Variants in SLC26A2 observed in about 807,000 individuals in gnomAD.
The protein encoded by SLC26A2 is solute carrier family 26 member 2, also known as sulfate transporter.
Under a neutral mutation model 41.1 loss-of-function variants are expected in SLC26A2, and 36 were observed. That is an observed-to-expected ratio of 0.88 (90% confidence interval 0.67 to 1.16). The LOEUF is 1.16. SLC26A2 is among the 50% of genes most tolerant of loss of function. The probability of loss-of-function intolerance (pLI) is 0.00; values close to 1 mark genes in which losing one functional copy is unlikely to be tolerated. For missense variants in SLC26A2, 796 were observed against 869.6 expected, an observed-to-expected ratio of 0.92 and a Z score of 1.07; for synonymous variants, 291 against 311.6, an observed-to-expected ratio of 0.93 and a Z score of 0.70.
At chr5:149,980,212 C>A in intron 2 of SLC26A2, 81 bp from the exon 3 acceptor site, 1 of 1,058,362 alleles carries the variant, frequency 9.4e-7, no homozygotes, top group Non-Finnish European at 1.5e-6. Flanking sequence ...GATATGTCTC[C>A]ATGCAAGAAA....
Position 149,981,134 on chromosome 5 carries a change from T to C in SLC26A2, c.1541T>C (p.Ile514Thr), listed in dbSNP as rs752005332. The change falls in exon 3 of 3, where the codon ATC becomes ACC. Residue 514 changes from isoleucine to threonine, a missense_variant. Transcript: ENST00000286298. ...AGTATTAGTAGAATGGATACAGTTA[T>C]CTGGTTTGTTACTATGCTGTCCTCT... Reference protein sequence around the residue: ...MWSISRMDTVIWFVTMLSSAL... With the variant: ...MWSISRMDTVTWFVTMLSSAL... 20 of 1,614,052 alleles carry C rather than the reference T, an allele frequency of 1.2e-5. No individual in the cohort carries two copies. Among genetic ancestry groups the C allele is most frequent in the Non-Finnish European group, 1.7e-5 (20 of 1,180,022 alleles).
intron 1 of SLC26A2, among the ~76,000 whole-genome samples, chr5:149,975,865 T>C (rs1030662137): frequency 2.0e-5 from 3 of 152,116 alleles, no homozygotes; most frequent in Non-Finnish European, 4.4e-5. Flanking sequence ...TCATCTAAAA[T>C]ATATTGTCTC....
chr5:149,977,665 A>G lies in SLC26A2; in HGVS notation c.13A>G (p.Ser5Gly). 6.2e-7 allele frequency: 1 copy of G among 1,613,210 alleles called. No individual in the cohort carries two copies. Among genetic ancestry groups the G allele is most frequent in the Non-Finnish European group, 8.5e-7 (1 of 1,179,166 alleles). The stretch of plus-strand genomic sequence containing the variant: ...TCTATCTCCAGAAATGTCTTCAGAA[A>G]GTAAAGAGCAACATAACGTTTCACC... MSSE[S>G]KEQHNVSPRD... Residue 5 changes from serine (S) to glycine (G), a missense_variant, in exon 2 of 3, where the codon AGT (serine) becomes GGT (glycine). By Grantham distance (56) the Ser-to-Gly change is moderately conservative. Transcript: ENST00000286298.
rs1459144096 is a variant in SLC26A2, at chr5:149,977,662, GAAAGT to G, written c.15_19del (p.Ser5ArgfsTer4). 6.2e-7 allele frequency: 1 copy of G among 1,612,860 alleles called. No individual in the cohort carries two copies. Among genetic ancestry groups the G allele is most frequent in the South Asian group, 1.1e-5 (1 of 91,068 alleles). The stretch of plus-strand genomic sequence containing the variant: ...CCATCTATCTCCAGAAATGTCTTCA[GAAAGT>G]AAAGAGCAACATAACGTTTCACCCA... On this transcript the variant is annotated frameshift_variant, in exon 2 of 3. Coordinates refer to ENST00000286298, the MANE Select transcript of SLC26A2 (RefSeq NM_000112.4). LOFTEE classifies it high-confidence loss of function.
In SLC26A2 at chr5:149,981,948, G is replaced by A. The variant is rs562629009; in HGVS notation, c.*135G>A. On this transcript the variant is annotated 3_prime_UTR_variant, in exon 3 of 3. Transcript: ENST00000286298. The stretch of plus-strand genomic sequence containing the variant: ...GGCTAGATATTATTCCTCCTTTGAA[G>A]CTAATGGCATTTGTATATACACACT... 1.3e-4 allele frequency: 87 copies of A among 649,942 alleles called. 1 individual carries two copies. The South Asian group carries it at 1.6e-3, about 12-fold the overall frequency. The allele number at this position is 649,942 out of a possible 1,614,324, so 40.3% of individuals were successfully genotyped here.
In SLC26A2 at chr5:149,981,105, G is replaced by C. The variant is rs76668544; in HGVS notation, c.1512G>C (p.Met504Ile). 1.9e-6 allele frequency: 3 copies of C among 1,614,018 alleles called. No individual in the cohort carries two copies. In the South Asian group the frequency reaches 3.3e-5, roughly 18 times the overall value. Reference protein sequence around the residue: ...ALRKFRDLPKMWSISRMDTVI... With the variant: ...ALRKFRDLPKIWSISRMDTVI... ...GTAAATTTAGGGATCTTCCCAAAAT[G>C]TGGAGTATTAGTAGAATGGATACAG... The change falls in exon 3 of 3, where the codon ATG (methionine) becomes ATC (isoleucine). Residue 504 changes from methionine (M) to isoleucine (I), a missense_variant. Transcript: ENST00000286298.
In SLC26A2 at chr5:149,987,392, CTAA is replaced by C. The variant is rs1339052558; in HGVS notation, c.*5585_*5587del. The C allele has an allele frequency of 2.6e-5, 4 of 152,188 alleles. No homozygotes were observed. Among genetic ancestry groups the C allele is most frequent in the Non-Finnish European group, 5.9e-5 (4 of 68,036 alleles). 9.4% of individuals were successfully genotyped at this position (152,188 alleles called of 1,614,324 possible). ...TTTTGTCTGCTAATAAATTGTTACT[CTAA>C]TAATACATTACTCTGTATTTAAATT... On this transcript the variant is annotated 3_prime_UTR_variant, in exon 3 of 3. Coordinates refer to ENST00000286298, the MANE Select transcript of SLC26A2 (RefSeq NM_000112.4).
rs199789515 is a variant in SLC26A2, at chr5:149,980,390, C to T, written c.797C>T (p.Thr266Ile). The T allele has an allele frequency of 3.2e-5, 52 of 1,614,130 alleles. No individual in the cohort carries two copies. The highest frequency in any genetic ancestry group is 4.1e-5 in the Non-Finnish European group (48 of 1,179,972). ...FVTGASFTIL[T>I]SQAKYLLGLN... ...ACTGGTGCCTCCTTCACTATTCTTA[C>T]ATCTCAGGCCAAGTATCTTCTTGGG... The change falls in exon 3 of 3, where the codon ACA (threonine) becomes ATA (isoleucine). Residue 266 changes from threonine (T) to isoleucine (I), a missense_variant. Transcript: ENST00000286298.
rs1245396440 is a variant in SLC26A2 at position 149,977,695 on chromosome 5, G to C, written c.43G>C (p.Asp15His). The stretch of plus-strand genomic sequence containing the variant: ...AGAGCAACATAACGTTTCACCCAGA[G>C]ACTCAGCTGAAGGAAATGACAGTTA... ...SKEQHNVSPR[D>H]SAEGNDSYPS... Residue 15 changes from aspartate (D) to histidine (H), a missense_variant, in exon 2 of 3, where the codon GAC (aspartate) becomes CAC (histidine). Transcript: ENST00000286298. 6.2e-7 allele frequency: 1 copy of C among 1,614,092 alleles called. No homozygotes were observed. Among genetic ancestry groups the C allele is most frequent in the Admixed American group, 1.7e-5 (1 of 60,020 alleles).
At position 149,981,087 on chromosome 5, in the gene SLC26A2, T is replaced by C. The variant is rs1286200343; in HGVS notation, c.1494T>C (p.Phe498=). ...ATCTACGGGGAGCCCTTCGTAAATTTAGGGATCTTCCCAAAATGTGGAGTA... is the reference window on the plus strand; with the variant it reads ...ATCTACGGGGAGCCCTTCGTAAATTCAGGGATCTTCCCAAAATGTGGAGTA... The part of the protein sequence containing the change: ...IVNLRGALRK[F]RDLPKMWSIS... Residue 498 remains phenylalanine, a synonymous_variant, in exon 3 of 3, where the codon TTT becomes TTC. Coordinates refer to ENST00000286298, the MANE Select transcript of SLC26A2 (RefSeq NM_000112.4). 6.2e-7 allele frequency: 1 copy of C among 1,614,206 alleles called. No individual in the cohort carries two copies. The highest frequency in any genetic ancestry group is 1.3e-5 in the African/African-American group (1 of 75,064).
intron 1 of SLC26A2, among the ~76,000 whole-genome samples, chr5:149,964,013 G>A (rs988062185): frequency 2.6e-5 from 4 of 152,186 alleles, no homozygotes; most frequent in Admixed American, 6.5e-5. Flanking sequence ...GAACACTAGT[G>A]CATAGGAGGA....
At chr5:149,972,160 T>A (rs1754916038) in intron 1 of SLC26A2, among the ~76,000 whole-genome samples, 1 of 152,244 alleles carries the variant, frequency 6.6e-6, no homozygotes, top group African/African-American at 2.4e-5. Context: ...GAAAACTTTC[T>A]AAACAAACTA....
At chr5:149,973,989 A>C (rs1289972022) in intron 1 of SLC26A2, among the ~76,000 whole-genome samples, 1 of 152,130 alleles carries the variant, frequency 6.6e-6, no homozygotes, top group African/African-American at 2.4e-5. Context: ...TCTACAAAAA[A>C]AATTAAAAAA....
chr5:149,978,530 G>C lies in SLC26A2; in HGVS notation c.699+179G>C, dbSNP rs551282925. 2.0e-4 allele frequency among the ~76,000 whole-genome samples: 30 copies of C among 152,144 alleles called. 1 individual carries two copies. Among genetic ancestry groups the C allele is most frequent in the Admixed American group, 1.6e-3 (24 of 15,274 alleles). On this transcript the variant is annotated intron_variant, in intron 2 of 2. Coordinates refer to ENST00000286298, the MANE Select transcript of SLC26A2 (RefSeq NM_000112.4). ...AACCTGACTCCACAGGTAATATAAG[G>C]CTGGTTCACTGGACCTCCACCACCC...
At chr5:149,965,047 G>A (rs1244182293) in intron 1 of SLC26A2, among the ~76,000 whole-genome samples, 1 of 152,172 alleles carries the variant, frequency 6.6e-6, no homozygotes, top group African/African-American at 2.4e-5. Context: ...TTGCTAAATA[G>A]GTGAATTGTT....
At chr5:149,976,284 T>C (rs991661191) in intron 1 of SLC26A2, among the ~76,000 whole-genome samples, 12 of 152,244 alleles carry the variant, frequency 7.9e-5, no homozygotes, top group Admixed American at 3.3e-4. Context: ...CAGATTACAC[T>C]GATGAACAAG....
chr5:149,970,859 C>T (rs1439966405), intron 1 of SLC26A2, among the ~76,000 whole-genome samples: 1 of 152,120 alleles, frequency 6.6e-6, no homozygotes. Context: ...GGGAGCATGG[C>T]ATAGGGGAAA....
intron 1 of SLC26A2, among the ~76,000 whole-genome samples, chr5:149,968,819 A>G (rs1304821894): frequency 1.3e-5 from 2 of 150,402 alleles, no homozygotes; most frequent in Non-Finnish European, 2.9e-5. Flanking sequence ...CCTGGGTTCA[A>G]GTGATTCTTT....
rs374129175 is a variant in SLC26A2, at chr5:149,963,520, G to A, written c.-26+2541G>A. 1.5e-4 allele frequency among the ~76,000 whole-genome samples: 23 copies of A among 151,504 alleles called. 1 individual carries two copies. Among genetic ancestry groups the A allele is most frequent in the Admixed American group, 1.3e-3 (20 of 15,208 alleles). On this transcript the variant is annotated intron_variant, in intron 1 of 2. Transcript: ENST00000286298. ...TCTCAATTTCATGACCTCGTGATCCGCCTGCCTCCGCCTCCCAAAGTACTG... is the reference window on the plus strand; with the variant it reads ...TCTCAATTTCATGACCTCGTGATCCACCTGCCTCCGCCTCCCAAAGTACTG...
Sources: allele counts gnomAD v4.1 joint callset (sites outside exome capture counted in the v4.1 genomes callset), GRCh38; gene constraint gnomAD v4.1.1; transcripts MANE v1.5; gene names NCBI Gene and HGNC (gene_info 2026-07-23, HGNC 2026-07-21).